Variants in BACH2 observed in about 807,000 individuals in gnomAD.
BACH2 encodes the protein BACH transcriptional regulator 2, also known as transcription regulator protein BACH2.
BACH2 carries 5 observed loss-of-function variants against 61.8 expected under a neutral mutation model. The ratio of observed to expected loss-of-function variants is 0.08; its 90% confidence interval spans 0.04 to 0.17. The LOEUF is 0.17. Among genes scored for constraint, BACH2 ranks in the 10% least tolerant of loss-of-function variants. BACH2 has a pLI of 1.00. For missense variants in BACH2, 824 were observed against 1,091.1 expected, an observed-to-expected ratio of 0.76 and a Z score of 3.45; for synonymous variants, 446 against 440.1, an observed-to-expected ratio of 1.01 and a Z score of -0.17.
chr6:90,227,841 T>C (rs1376828985), intron 3 of BACH2, among the ~76,000 whole-genome samples: 1 of 152,184 alleles, frequency 6.6e-6, no homozygotes, highest in East Asian at 1.9e-4. Context: ...ATTCTTGGTA[T>C]TAAATCTCAT....
At chr6:90,241,339 C>T (rs1770446098) in intron 3 of BACH2, among the ~76,000 whole-genome samples, 1 of 152,040 alleles carries the variant, frequency 6.6e-6, no homozygotes, top group Non-Finnish European at 1.5e-5. Flanking sequence ...TAAATAGCAC[C>T]TGGACTGGGA....
Position 90,008,414 on chromosome 6 carries a change from C to T in BACH2, c.243+188G>A, listed in dbSNP as rs9444726. ...CAGTTCCCTTCAAGAAAGATATTCACATTCTGTGCCTCTGAGACTTTAAGT... is the reference window on the plus strand; with the variant it reads ...CAGTTCCCTTCAAGAAAGATATTCATATTCTGTGCCTCTGAGACTTTAAGT... On this transcript the variant is annotated intron_variant, in intron 6 of 8. Transcript: ENST00000257749. The surrounding 1 kb of genome is among the most constrained non-coding windows in gnomAD (Gnocchi z 4.1). Among the ~76,000 whole-genome samples, 25,008 of 152,186 alleles carry T rather than the reference C, an allele frequency of 0.16. 2,335 individuals are homozygous for T. Among genetic ancestry groups the T allele is most frequent in the Middle Eastern group, 0.26 (76 of 292 alleles).
chr6:90,216,892 A>G (rs1406424387), intron 3 of BACH2, among the ~76,000 whole-genome samples: 1 of 152,150 alleles, frequency 6.6e-6, no homozygotes, highest in African/African-American at 2.4e-5. Flanking sequence ...TACAGGACAC[A>G]CCCCATAATA....
intron 4 of BACH2, among the ~76,000 whole-genome samples, chr6:90,114,776 CG>C (rs1562453638): frequency 6.6e-6 from 1 of 152,144 alleles, no homozygotes; most frequent in East Asian, 1.9e-4. Flanking sequence ...CCTATAGTCT[CG>C]GCCCAAAAGC....
At chr6:89,986,089 A>AGACT in intron 6 of BACH2, among the ~76,000 whole-genome samples, 1 of 152,276 alleles carries the variant, frequency 6.6e-6, no homozygotes, top group South Asian at 2.1e-4. Context: ...AAAGCTGGGG[A>AGACT]GACTGATAGT....
intron 4 of BACH2, among the ~76,000 whole-genome samples, chr6:90,177,411 C>T (rs1184974154): frequency 1.3e-5 from 2 of 152,152 alleles, no homozygotes; most frequent in African/African-American, 2.4e-5. Flanking sequence ...AATGTTATGA[C>T]GTGAGTTCCC....
At chr6:90,110,601 T>TTTTGG in intron 4 of BACH2, among the ~76,000 whole-genome samples, 1 of 152,374 alleles carries the variant, frequency 6.6e-6, no homozygotes, top group Admixed American at 6.5e-5. Context: ...TCCAAAATCC[T>TTTTGG]AATTTTTGTC....
At chr6:89,991,065 T>A (rs1302740516) in intron 6 of BACH2, among the ~76,000 whole-genome samples, 1 of 152,224 alleles carries the variant, frequency 6.6e-6, no homozygotes, top group Non-Finnish European at 1.5e-5. Context: ...TTCTAGGACT[T>A]ACAATAATTT....
intron 1 of BACH2, among the ~76,000 whole-genome samples, chr6:90,293,521 ATAAC>A: frequency 6.6e-6 from 1 of 152,368 alleles, no homozygotes; most frequent in Admixed American, 6.5e-5. Flanking sequence ...GCGCTAATGA[ATAAC>A]TAAGTCCTGT....
intron 4 of BACH2, among the ~76,000 whole-genome samples, chr6:90,118,437 G>A (rs569679210): frequency 1.3e-5 from 2 of 152,168 alleles, no homozygotes; most frequent in African/African-American, 4.8e-5. Context: ...CCACTTTATT[G>A]CATCTAAGTA....
chr6:90,044,889 G>A (rs1779708699), intron 5 of BACH2, among the ~76,000 whole-genome samples: 1 of 152,188 alleles, frequency 6.6e-6, no homozygotes, highest in Non-Finnish European at 1.5e-5. Flanking sequence ...TTTTGGATAT[G>A]ACAACTTTGA....
intron 3 of BACH2, among the ~76,000 whole-genome samples, chr6:90,228,700 C>A (rs1016230562): frequency 1.2e-4 from 18 of 152,166 alleles, no homozygotes; most frequent in Non-Finnish European, 2.5e-4. Context: ...GATGGCACCA[C>A]TGCACTCCAG....
intron 4 of BACH2, among the ~76,000 whole-genome samples, chr6:90,157,968 C>T (rs1202998320): frequency 1.3e-5 from 2 of 151,814 alleles, no homozygotes; most frequent in Non-Finnish European, 2.9e-5. Context: ...GTATTAAGTG[C>T]GATGTTGGAA....
intron 4 of BACH2, among the ~76,000 whole-genome samples, chr6:90,123,179 C>T (rs1306369375): frequency 6.6e-6 from 1 of 152,076 alleles, no homozygotes; most frequent in Non-Finnish European, 1.5e-5. Context: ...TTAGAAGACA[C>T]AGAAGAGAAG....
At chr6:90,207,699 A>C (rs1769198688) in intron 3 of BACH2, among the ~76,000 whole-genome samples, 1 of 152,096 alleles carries the variant, frequency 6.6e-6, no homozygotes, top group African/African-American at 2.4e-5. Flanking sequence ...ATTATAATAT[A>C]TTAAGACTAT....
chr6:90,013,230 T>C (rs1231395287), intron 5 of BACH2, among the ~76,000 whole-genome samples: 4 of 152,172 alleles, frequency 2.6e-5, no homozygotes, highest in African/African-American at 9.6e-5. Context: ...ATCTCTTACT[T>C]TTTTTCCAAT....
At chr6:90,246,096 T>G (rs529386775) in intron 3 of BACH2, among the ~76,000 whole-genome samples, 3 of 152,248 alleles carry the variant, frequency 2.0e-5, no homozygotes, top group Admixed American at 2.0e-4. Flanking sequence ...GAACAGTGGG[T>G]CCTTCACTCA....
rs184583433 is a variant in BACH2, at chr6:90,008,763, T to C, written c.82A>G (p.Asn28Asp). ...VHCTNILLGL[N>D]DQRKKDILCD... ...AGAATATCCTTTTTCCGCTGGTCATTGAGGCCCAGGAGGATGTTGGTGCAG... is the reference window on the plus strand; with the variant it reads ...AGAATATCCTTTTTCCGCTGGTCATCGAGGCCCAGGAGGATGTTGGTGCAG... Residue 28 changes from asparagine (N) to aspartate (D), a missense_variant, in exon 6 of 9, where the codon AAT (asparagine) becomes GAT (aspartate). Transcript: ENST00000257749. This position sits in a 1 kb window ranked among gnomAD's most constrained non-coding sequence, Gnocchi z 4.1. 30 of 1,614,156 alleles carry C rather than the reference T, an allele frequency of 1.9e-5. No individual in the cohort carries two copies. In the East Asian group the frequency reaches 6.7e-4, roughly 36 times the overall value.
intron 5 of BACH2, among the ~76,000 whole-genome samples, chr6:90,009,423 G>C (rs1777587738): frequency 6.6e-6 from 1 of 152,228 alleles, no homozygotes; most frequent in African/African-American, 2.4e-5. Context: ...AGACTCAGTA[G>C]AGTCAGCTAT....
Sources: allele counts gnomAD v4.1 joint callset (sites outside exome capture counted in the v4.1 genomes callset), GRCh38; gene constraint gnomAD v4.1.1; non-coding constraint Gnocchi (gnomAD v3.1); transcripts MANE v1.5; gene names NCBI Gene and HGNC (gene_info 2026-07-23, HGNC 2026-07-21).